The following QTMAN variants were observed in gnomAD, a reference collection of about 807,000 sequenced individuals.
QTMAN encodes queuosine-tRNA mannosyltransferase.
the QTMAN span, among the ~76,000 whole-genome samples, chr2:144,142,509 A>G: frequency 6.6e-6 from 1 of 151,976 alleles, no homozygotes; most frequent in South Asian, 2.1e-4. Context: ...CAAGAAGACT[A>G]ATTCAGATAA....
the QTMAN span, among the ~76,000 whole-genome samples, chr2:144,287,806 T>C: frequency 4.6e-5 from 7 of 152,174 alleles, no homozygotes; most frequent in Admixed American, 3.9e-4. Context: ...ATTGATGTCA[T>C]TTATTATACA....
the QTMAN span, among the ~76,000 whole-genome samples, chr2:144,300,577 T>C: frequency 1.3e-5 from 2 of 152,208 alleles, no homozygotes; most frequent in Admixed American, 6.5e-5. Flanking sequence ...AGTATTTAGC[T>C]AGAGATATAC....
chr2:144,264,256 A>G, the QTMAN span, among the ~76,000 whole-genome samples: 1 of 152,222 alleles, frequency 6.6e-6, no homozygotes, highest in African/African-American at 2.4e-5. Context: ...AAAAGCTGAA[A>G]AGACAATCTT....
chr2:144,125,871 C>T, the QTMAN span, among the ~76,000 whole-genome samples: 2 of 151,968 alleles, frequency 1.3e-5, no homozygotes, highest in African/African-American at 2.4e-5. Context: ...ATGCTTAAGA[C>T]ATTTTTATTT....
the QTMAN span, among the ~76,000 whole-genome samples, chr2:144,220,174 T>A: frequency 6.6e-6 from 1 of 152,198 alleles, no homozygotes; most frequent in Non-Finnish European, 1.5e-5. Context: ...TAATGAGAGC[T>A]GTATCACTAT....
chr2:144,061,571 G>A, the QTMAN span, among the ~76,000 whole-genome samples: 1 of 152,130 alleles, frequency 6.6e-6, no homozygotes, highest in Non-Finnish European at 1.5e-5. Context: ...CATTTATTGA[G>A]TACTTATGAC....
At chr2:144,059,669 C>T in the QTMAN span, among the ~76,000 whole-genome samples, 1 of 152,178 alleles carries the variant, frequency 6.6e-6, no homozygotes, top group African/African-American at 2.4e-5. Flanking sequence ...TCCTATTGAA[C>T]TCAGAATGAA....
the QTMAN span, among the ~76,000 whole-genome samples, chr2:144,204,565 CA>C: frequency 6.6e-6 from 1 of 152,166 alleles, no homozygotes; most frequent in Non-Finnish European, 1.5e-5. Context: ...CTAGTTCAAC[CA>C]TTGTGGAAGT....
chr2:144,159,245 C>A, the QTMAN span, among the ~76,000 whole-genome samples: 1 of 151,920 alleles, frequency 6.6e-6, no homozygotes, highest in Non-Finnish European at 1.5e-5. Flanking sequence ...TATATTTTAA[C>A]ATGGATATAA....
chr2:143,997,899 A>G, the QTMAN span, among the ~76,000 whole-genome samples: 2 of 152,228 alleles, frequency 1.3e-5, no homozygotes, highest in South Asian at 2.1e-4. Context: ...AATGAGGAAC[A>G]TTAACCCCTG....
At chr2:144,043,981 G>A in the QTMAN span, among the ~76,000 whole-genome samples, 2 of 152,150 alleles carry the variant, frequency 1.3e-5, no homozygotes, top group African/African-American at 2.4e-5. Context: ...ATTGGAGCAG[G>A]AGACAGGTTA....
At chr2:143,995,206 C>T in the QTMAN span, among the ~76,000 whole-genome samples, 18 of 152,234 alleles carry the variant, frequency 1.2e-4, no homozygotes, top group Non-Finnish European at 2.2e-4. Flanking sequence ...GATGCTGCTC[C>T]TTAGAAGTGT....
the QTMAN span, among the ~76,000 whole-genome samples, chr2:144,240,001 A>C: frequency 1.3e-5 from 2 of 152,220 alleles, no homozygotes; most frequent in Middle Eastern, 3.2e-3. Context: ...CTCACCGCTA[A>C]GCAGAGTTTA....
At chr2:144,197,723 C>T in the QTMAN span, among the ~76,000 whole-genome samples, 1 of 152,074 alleles carries the variant, frequency 6.6e-6, no homozygotes, top group African/African-American at 2.4e-5. Flanking sequence ...TCCTGCCTTC[C>T]ATTCCTACTA....
chr2:144,312,608 A>G, the QTMAN span, among the ~76,000 whole-genome samples: 7 of 152,020 alleles, frequency 4.6e-5, no homozygotes, highest in Non-Finnish European at 7.4e-5. Flanking sequence ...TGTGCTCCCA[A>G]CTCTCAGAAA....
chr2:144,030,094 G>A, the QTMAN span, among the ~76,000 whole-genome samples: 14 of 152,264 alleles, frequency 9.2e-5, no homozygotes, highest in East Asian at 2.3e-3. Context: ...AGGAACACAC[G>A]GAAGACAGTG....
the QTMAN span, among the ~76,000 whole-genome samples, chr2:143,967,599 G>A: frequency 1.3e-5 from 2 of 152,156 alleles, no homozygotes; most frequent in Non-Finnish European, 2.9e-5. Context: ...CCAAGGTGCT[G>A]GGATTACAGG....
the QTMAN span, among the ~76,000 whole-genome samples, chr2:143,978,054 T>C: frequency 6.6e-6 from 1 of 152,200 alleles, no homozygotes; most frequent in Admixed American, 6.5e-5. Flanking sequence ...CTGGGTGACT[T>C]TTCACAAATC....
the QTMAN span, among the ~76,000 whole-genome samples, chr2:144,161,957 T>C: frequency 6.6e-6 from 1 of 152,200 alleles, no homozygotes; most frequent in East Asian, 1.9e-4. Flanking sequence ...ACAGTGATGT[T>C]AAACCTAGAC....
Sources: allele counts gnomAD v4.1 joint callset (sites outside exome capture counted in the v4.1 genomes callset), GRCh38; gene constraint gnomAD v4.1.1; transcripts MANE v1.5; gene names NCBI Gene and HGNC (gene_info 2026-07-23, HGNC 2026-07-21).